Variants in ESRRG observed in about 807,000 individuals in gnomAD.
ESRRG encodes the protein estrogen-related receptor gamma.
A neutral mutation model predicts 44.0 loss-of-function variants in ESRRG; 13 were observed. That is an observed-to-expected ratio of 0.30 (90% CI 0.19 to 0.47). The LOEUF is 0.47. Among genes scored for constraint, ESRRG ranks in the 20% least tolerant of loss-of-function variants. The pLI is 1.00. For synonymous variants in ESRRG, 215 were observed against 214.6 expected, an observed-to-expected ratio of 1.00 and a Z score of -0.02; for missense variants, 395 against 580.6, an observed-to-expected ratio of 0.68 and a Z score of 3.29.
At chr1:216,649,767 T>C (rs967236239) in intron 3 of ESRRG, among the ~76,000 whole-genome samples, 3 of 152,256 alleles carry the variant, frequency 2.0e-5, no homozygotes, top group African/African-American at 7.2e-5. Flanking sequence ...ACAATGTGAA[T>C]TCCATATATC....
At chr1:216,816,149 G>A (rs2095130431) in intron 2 of ESRRG, among the ~76,000 whole-genome samples, 1 of 152,122 alleles carries the variant, frequency 6.6e-6, no homozygotes, top group South Asian at 2.1e-4. Flanking sequence ...GAGTTAACTC[G>A]CCGAAATGGG....
intron 2 of ESRRG, among the ~76,000 whole-genome samples, chr1:216,745,989 A>G (rs986494925): frequency 6.6e-6 from 1 of 152,174 alleles, no homozygotes; most frequent in Non-Finnish European, 1.5e-5. Context: ...TATTTGTTGA[A>G]CACCTACTAT....
intron 3 of ESRRG, among the ~76,000 whole-genome samples, chr1:216,644,035 C>T (rs74141630): frequency 0.01 from 1,559 of 152,284 alleles, 29 homozygotes; most frequent in African/African-American, 0.036. Context: ...ATATGACATA[C>T]TTGGCTTTTA....
intron 2 of ESRRG, among the ~76,000 whole-genome samples, chr1:216,808,078 C>T (rs149491593): frequency 1.3e-5 from 2 of 152,222 alleles, no homozygotes; most frequent in East Asian, 3.9e-4. Flanking sequence ...ACCTCCGTTC[C>T]AGTGTGGAAT....
At chr1:217,114,653 G>C (rs2092699135) in intron 1 of ESRRG, among the ~76,000 whole-genome samples, 1 of 150,014 alleles carries the variant, frequency 6.7e-6, no homozygotes. Context: ...TGTGCATGGA[G>C]GTCCAAAAGA....
chr1:216,947,173 G>A (rs10863284), intron 1 of ESRRG, among the ~76,000 whole-genome samples: 99,242 of 151,818 alleles, frequency 0.65, 34,785 homozygotes, highest in Middle Eastern at 0.8. Flanking sequence ...AATTCCAAGA[G>A]AAAAATATAA....
chr1:216,949,800 C>G (rs994590282), intron 1 of ESRRG, among the ~76,000 whole-genome samples: 1 of 151,540 alleles, frequency 6.6e-6, no homozygotes, highest in Admixed American at 6.6e-5. Flanking sequence ...GGGGAAAGAA[C>G]TGACTTTTTC....
intron 2 of ESRRG, among the ~76,000 whole-genome samples, chr1:216,939,330 T>G (rs1578397420): frequency 1.8e-5 from 1 of 56,414 alleles, no homozygotes; most frequent in Non-Finnish European, 3.5e-5. Context: ...TTCCAGAATA[T>G]CCTACACATA....
intron 5 of ESRRG, among the ~76,000 whole-genome samples, chr1:216,525,482 T>TC (rs1476328215): frequency 1.3e-5 from 2 of 149,670 alleles, no homozygotes; most frequent in African/African-American, 2.5e-5. Flanking sequence ...AGAAAAAATG[T>TC]GGGGGGGCAT....
chr1:216,890,784 C>T (rs563169422), intron 2 of ESRRG, among the ~76,000 whole-genome samples: 1 of 152,234 alleles, frequency 6.6e-6, no homozygotes, highest in South Asian at 2.1e-4. Context: ...CAAATAAACA[C>T]ACATGTAGTT....
chr1:216,797,676 G>A (rs1329814421), intron 2 of ESRRG, among the ~76,000 whole-genome samples: 2 of 152,154 alleles, frequency 1.3e-5, no homozygotes, highest in Non-Finnish European at 2.9e-5. Flanking sequence ...GACAGGGGTT[G>A]TGGGTTTTTT....
chr1:216,672,976 C>T (rs539136187), intron 2 of ESRRG, among the ~76,000 whole-genome samples: 10 of 152,140 alleles, frequency 6.6e-5, no homozygotes, highest in Non-Finnish European at 1.5e-4. Flanking sequence ...TAGAACCAGG[C>T]CCTGGTGAGG....
intron 2 of ESRRG, among the ~76,000 whole-genome samples, chr1:216,887,594 T>C (rs575103558): frequency 1.1e-4 from 17 of 152,336 alleles, no homozygotes; most frequent in African/African-American, 3.1e-4. Context: ...ATGTATACTA[T>C]GGTTCTGTTT....
Position 216,867,584 on chromosome 1 carries a change from T to C in ESRRG, c.-14+71998A>G, listed in dbSNP as rs537336989. Among the ~76,000 whole-genome samples the C allele has an allele frequency of 1.8e-3, 279 of 152,250 alleles. 1 individual carries two copies. Among genetic ancestry groups the C allele is most frequent in the African/African-American group, 6.5e-3 (272 of 41,540 alleles). On this transcript the variant is annotated intron_variant, in intron 2 of 7. Coordinates refer to the ESRRG transcript ENST00000359162. ...AAATTGATAAGCAATCATTCTTAAA[T>C]TTGTAAGAAAAAAGACTCTAAACAT...
chr1:216,637,614 T>C (rs1004740460), intron 3 of ESRRG, among the ~76,000 whole-genome samples: 3 of 152,224 alleles, frequency 2.0e-5, no homozygotes, highest in African/African-American at 7.2e-5. Context: ...AGTCAGAGAA[T>C]TTCAGATTGA....
At chr1:216,712,380 A>G (rs987838356) in intron 1 of ESRRG, among the ~76,000 whole-genome samples, 54 of 152,216 alleles carry the variant, frequency 3.5e-4, no homozygotes, top group Non-Finnish European at 5.7e-4. Flanking sequence ...GATTTGAGAC[A>G]TGGATAATTT....
At position 216,857,234 on chromosome 1, in the gene ESRRG, C is replaced by T. The variant is rs185717015; in HGVS notation, c.-14+82348G>A. ...GAAAGACAATTAAACCCTGGAACAT[C>T]AAACCTAAAAATGACAATCTGCTAA... On this transcript the variant is annotated intron_variant, in intron 2 of 7. Transcript: ENST00000359162. 8.6e-5 allele frequency among the ~76,000 whole-genome samples: 13 copies of T among 152,006 alleles called. No individual in the cohort carries two copies. The East Asian group carries it at 2.5e-3, about 30-fold the overall frequency.
intron 3 of ESRRG, among the ~76,000 whole-genome samples, chr1:216,571,410 T>C (rs1558567344): frequency 6.6e-6 from 1 of 152,116 alleles, no homozygotes; most frequent in East Asian, 1.9e-4. Flanking sequence ...ACCATTGCAC[T>C]CTAGCCTGGG....
intron 6 of ESRRG, among the ~76,000 whole-genome samples, chr1:216,509,651 T>G (rs2042151945): frequency 6.6e-6 from 1 of 152,202 alleles, no homozygotes; most frequent in Admixed American, 6.5e-5. Context: ...AAACTATTCT[T>G]TCAAGGCTGT....
Sources: allele counts gnomAD v4.1 joint callset (sites outside exome capture counted in the v4.1 genomes callset), GRCh38; gene constraint gnomAD v4.1.1; transcripts MANE v1.5; gene names NCBI Gene and HGNC (gene_info 2026-07-23, HGNC 2026-07-21).